Variants in MAD1L1 observed in about 807,000 individuals in gnomAD.
MAD1L1 encodes the protein mitotic arrest deficient 1 like 1.
In MAD1L1, 95 loss-of-function variants were observed where a neutral mutation model predicts 96.9. The ratio of observed to expected loss-of-function variants is 0.98; its 90% CI spans 0.83 to 1.16. MAD1L1 has a LOEUF of 1.16. Ranked by LOEUF, MAD1L1 falls within the 50% of genes most tolerant of loss-of-function variation. The pLI is 0.00. For missense variants in MAD1L1, 1,007 were observed against 954.4 expected (o/e 1.06, Z -0.73); for synonymous variants, 473 against 396.6 (o/e 1.19, Z -2.29).
At chr7:1,995,870 T>C (rs1781531423) in intron 14 of MAD1L1, among the ~76,000 whole-genome samples, 3 of 152,070 alleles carry the variant, frequency 2.0e-5, no homozygotes, top group South Asian at 2.1e-4. Flanking sequence ...CAGTCAGAAG[T>C]AGCACTTCGT....
chr7:2,046,197 G>C (rs1018216947), intron 12 of MAD1L1, among the ~76,000 whole-genome samples: 1 of 152,174 alleles, frequency 6.6e-6, no homozygotes, highest in African/African-American at 2.4e-5. Context: ...CCTCCCTACA[G>C]AGGGGAGTCC....
intron 18 of MAD1L1, among the ~76,000 whole-genome samples, chr7:1,870,277 C>T (rs968455543): frequency 6.7e-6 from 1 of 150,274 alleles, no homozygotes; most frequent in African/African-American, 2.5e-5. Flanking sequence ...ATATGCCTGC[C>T]ACGCTGAACC....
chr7:2,117,075 A>G (rs1240110748), intron 11 of MAD1L1, among the ~76,000 whole-genome samples: 1 of 152,182 alleles, frequency 6.6e-6, no homozygotes, highest in African/African-American at 2.4e-5. Context: ...TTTTCTAGAG[A>G]TAGGCCTGGC....
chr7:2,055,580 G>C (rs889430859), intron 12 of MAD1L1, among the ~76,000 whole-genome samples: 2 of 150,506 alleles, frequency 1.3e-5, no homozygotes, highest in African/African-American at 4.9e-5. Context: ...TGAGGCAGGA[G>C]AATCACCGGA....
chr7:1,897,826 C>G (rs370345808), intron 18 of MAD1L1, among the ~76,000 whole-genome samples: 2 of 152,368 alleles, frequency 1.3e-5, no homozygotes, highest in East Asian at 3.9e-4. Flanking sequence ...GCGTCCCCTG[C>G]CCCGGCCCCA....
At chr7:1,866,589 T>C (rs1293428166) in intron 18 of MAD1L1, among the ~76,000 whole-genome samples, 4 of 152,098 alleles carry the variant, frequency 2.6e-5, no homozygotes, top group African/African-American at 7.2e-5. Flanking sequence ...GAGAAGCTGC[T>C]GGTGTGAGAC....
intron 16 of MAD1L1, among the ~76,000 whole-genome samples, chr7:1,954,214 C>T (rs1779627024): frequency 6.6e-6 from 1 of 152,156 alleles, no homozygotes; most frequent in African/African-American, 2.4e-5. Flanking sequence ...CCTGGTTCAC[C>T]AGGTATGTGC....
intron 12 of MAD1L1, among the ~76,000 whole-genome samples, chr7:2,021,949 T>A (rs1017673907): frequency 3.3e-5 from 5 of 151,442 alleles, no homozygotes; most frequent in African/African-American, 1.2e-4. Flanking sequence ...AAAAATAAAA[T>A]CTACTTTATT....
At chr7:2,194,247 A>G (rs1293632033) in intron 10 of MAD1L1, among the ~76,000 whole-genome samples, 2 of 152,170 alleles carry the variant, frequency 1.3e-5, no homozygotes, top group East Asian at 3.9e-4. Context: ...GGCGTGAGCC[A>G]CTATGCCCAG....
intron 18 of MAD1L1, among the ~76,000 whole-genome samples, chr7:1,880,448 G>A (rs1785620838): frequency 6.6e-6 from 1 of 152,158 alleles, no homozygotes; most frequent in South Asian, 2.1e-4. Flanking sequence ...TCAGAAGGAA[G>A]GGAGGCCACT....
At chr7:1,992,863 G>T (rs1178167010) in intron 14 of MAD1L1, among the ~76,000 whole-genome samples, 1 of 152,096 alleles carries the variant, frequency 6.6e-6, no homozygotes, top group Admixed American at 6.6e-5. Flanking sequence ...TGACACCATT[G>T]TGGGCCTGGG....
At chr7:2,057,512 C>T (rs572051463) in intron 12 of MAD1L1, among the ~76,000 whole-genome samples, 4 of 151,078 alleles carry the variant, frequency 2.6e-5, no homozygotes, top group Admixed American at 2.6e-4. Context: ...AGACTCCATT[C>T]CCCCCACCGC....
chr7:2,090,830 CGT>C (rs1562677171), intron 11 of MAD1L1, among the ~76,000 whole-genome samples: 1 of 152,190 alleles, frequency 6.6e-6, no homozygotes, highest in Non-Finnish European at 1.5e-5. Flanking sequence ...AGGCAGGCAA[CGT>C]TACCTTTTGG....
At chr7:1,866,028 C>T (rs1002745997) in intron 18 of MAD1L1, among the ~76,000 whole-genome samples, 1 of 152,236 alleles carries the variant, frequency 6.6e-6, no homozygotes, top group African/African-American at 2.4e-5. Flanking sequence ...GAGAACCATG[C>T]TGGTTTTGAA....
At chr7:1,964,499 G>T (rs1047437376) in intron 15 of MAD1L1, among the ~76,000 whole-genome samples, 5 of 152,216 alleles carry the variant, frequency 3.3e-5, no homozygotes, top group Admixed American at 6.5e-5. Flanking sequence ...CGCACAGAGA[G>T]CGAGAAAGAG....
rs117997541 is a variant in MAD1L1, at chr7:1,941,136, G to T, written c.1597-4239C>A. On this transcript the variant is annotated intron_variant, in intron 16 of 18. Transcript: ENST00000265854. ...AGCATCCTCCTACTTAGCAGATAGG[G>T]GGACTTGCAGGAGGGGTCGGGGGTC... Among the ~76,000 whole-genome samples, 60 of 152,316 alleles carry T rather than the reference G, an allele frequency of 3.9e-4. No homozygotes were observed. In the East Asian group the frequency reaches 0.011, roughly 29 times the overall value.
intron 14 of MAD1L1, among the ~76,000 whole-genome samples, chr7:1,983,241 C>T (rs1356113364): frequency 6.6e-6 from 1 of 152,180 alleles, no homozygotes; most frequent in Non-Finnish European, 1.5e-5. Flanking sequence ...TCCAGAATGC[C>T]TTCCCCTCCT....
chr7:1,948,359 C>T (rs891092823), intron 16 of MAD1L1, among the ~76,000 whole-genome samples: 1 of 152,104 alleles, frequency 6.6e-6, no homozygotes, highest in African/African-American at 2.4e-5. Flanking sequence ...ATAGCCTCCG[C>T]TCAGGGCCCT....
intron 12 of MAD1L1, among the ~76,000 whole-genome samples, chr7:2,066,591 GAGA>G (rs1562653894): frequency 1.3e-5 from 2 of 152,208 alleles, no homozygotes; most frequent in African/African-American, 4.8e-5. Flanking sequence ...AAGCAGAGCA[GAGA>G]AGAACAGAAA....
Sources: allele counts gnomAD v4.1 joint callset (sites outside exome capture counted in the v4.1 genomes callset), GRCh38; gene constraint gnomAD v4.1.1; transcripts MANE v1.5; gene names NCBI Gene and HGNC (gene_info 2026-07-23, HGNC 2026-07-21).